Variants in C1QTNF7 observed in about 807,000 individuals in gnomAD.
C1QTNF7 encodes the protein C1q and TNF related 7.
C1QTNF7 carries 15 observed loss-of-function variants against 19.6 expected under a neutral mutation model. The observed-to-expected ratio is 0.76, with a 90% confidence interval of 0.51 to 1.18. The LOEUF is 1.18. C1QTNF7 is among the 50% of genes most tolerant of loss of function. The pLI is 0.00. For missense variants in C1QTNF7, 324 were observed against 359.7 expected (o/e 0.90, Z 0.80); for synonymous variants, 142 against 137.5 (o/e 1.03, Z -0.23).
chr4:15,376,657 G>T (rs1234841577), intron 1 of C1QTNF7, among the ~76,000 whole-genome samples: 2 of 152,214 alleles, frequency 1.3e-5, no homozygotes, highest in African/African-American at 2.4e-5. Flanking sequence ...GGCTGGCAGG[G>T]CTGGGATTTG....
At chr4:15,346,854 G>C (rs955876752) in intron 1 of C1QTNF7, among the ~76,000 whole-genome samples, 1 of 152,068 alleles carries the variant, frequency 6.6e-6, no homozygotes, top group African/African-American at 2.4e-5. Context: ...GTCCATCTCT[G>C]TTCCTACCAC....
chr4:15,374,794 T>C lies in C1QTNF7; in HGVS notation c.13+34587T>C, dbSNP rs1717868292. On this transcript the variant is annotated intron_variant, in intron 1 of 2. Coordinates refer to the C1QTNF7 transcript ENST00000295297. ...TGTAAGTAAACAGCCCTCTCTCCAT[T>C]GATAAACGTCTTCAGGCTTTTTTTC... 3.2e-6 allele frequency: 3 copies of C among 924,782 alleles called. No individual in the cohort carries two copies. The South Asian group carries it at 1.5e-4, about 47-fold the overall frequency. The allele number at this position is 924,782 out of a possible 1,614,324, so 57.3% of individuals were successfully genotyped here. A position where few individuals can be genotyped will look rare whatever the true frequency, so the allele number is the denominator to read the frequency against.
At chr4:15,366,501 T>C (rs1044457153) in intron 1 of C1QTNF7, among the ~76,000 whole-genome samples, 4 of 152,206 alleles carry the variant, frequency 2.6e-5, no homozygotes, top group African/African-American at 9.6e-5. Context: ...AGTTACAGCA[T>C]CTAACCCTTT....
At chr4:15,436,123 C>T in intron 2 of C1QTNF7, 142 bp downstream of exon 2, 1 of 1,220,276 alleles carries the variant, frequency 8.2e-7, no homozygotes, top group African/African-American at 1.5e-5. Flanking sequence ...TGAGCCCTTA[C>T]TAGGCTTCAG....
At chr4:15,440,802 A>G (rs1423764167) in intron 2 of C1QTNF7, among the ~76,000 whole-genome samples, 1 of 152,038 alleles carries the variant, frequency 6.6e-6, no homozygotes, top group Admixed American at 6.6e-5. Context: ...TGGTTATTGT[A>G]GCATGTTGAG....
chr4:15,361,412 G>T (rs1351025249), intron 1 of C1QTNF7: 2 of 152,080 alleles, frequency 1.3e-5, no homozygotes, highest in Non-Finnish European at 1.5e-5. Context: ...ATCTGTCAAG[G>T]TGATATTTTT....
At chr4:15,424,901 T>C (rs1711966880), upstream of C1QTNF7, among the ~76,000 whole-genome samples, 1 of 152,168 alleles carries the variant, frequency 6.6e-6, no homozygotes, top group Non-Finnish European at 1.5e-5. Context: ...CCAATTCATA[T>C]CCTGTTAAGC....
rs75247137 is a variant in C1QTNF7, at chr4:15,379,737, T to C, written c.13+39530T>C. Among the ~76,000 whole-genome samples the C allele has an allele frequency of 4.4e-4, 67 of 152,374 alleles. 2 individuals are homozygous for C. The East Asian group carries it at 9.4e-3, about 21-fold the overall frequency. On this transcript the variant is annotated intron_variant, in intron 1 of 2. Coordinates refer to the C1QTNF7 transcript ENST00000295297. ...CCTTAGGGAAGAGGCTGTGGAATTG[T>C]CTTCTTTGGAGGTCTATTAAAACCA...
At chr4:15,436,442 C>T (rs1290001657) in intron 2 of C1QTNF7, among the ~76,000 whole-genome samples, 1 of 152,208 alleles carries the variant, frequency 6.6e-6, no homozygotes, top group Non-Finnish European at 1.5e-5. Context: ...AACCAGGAGC[C>T]AGATGCATAG....
At chr4:15,437,305 CTCTTAGAGGCT>C (rs1258276637) in intron 2 of C1QTNF7, among the ~76,000 whole-genome samples, 4 of 151,672 alleles carry the variant, frequency 2.6e-5, no homozygotes, top group African/African-American at 9.7e-5. Context: ...GCCACATATG[CTCTTAGAGGCT>C]CAGTTTCCTT....
At chr4:15,430,220 G>A (rs1712243287) in intron 1 of C1QTNF7, among the ~76,000 whole-genome samples, 1 of 152,098 alleles carries the variant, frequency 6.6e-6, no homozygotes, top group Non-Finnish European at 1.5e-5. Flanking sequence ...CTGTTACTTT[G>A]TAATCCCTAC....
At position 15,348,169 on chromosome 4, in the gene C1QTNF7, T is replaced by C. The variant is rs889474878; in HGVS notation, c.13+7962T>C. On this transcript the variant is annotated intron_variant, in intron 1 of 2. Coordinates refer to the C1QTNF7 transcript ENST00000295297. ...GATTTCCTCTCCCTGGACAAATTGA[T>C]ATCCAGTGGGGGATTAAAAAGAAAA... 1.1e-4 allele frequency among the ~76,000 whole-genome samples: 16 copies of C among 152,172 alleles called. 1 individual carries two copies. Among genetic ancestry groups the C allele is most frequent in the Non-Finnish European group, 1.5e-5 (1 of 68,024 alleles).
chr4:15,354,313 C>G (rs1298164553), intron 1 of C1QTNF7, among the ~76,000 whole-genome samples: 2 of 152,136 alleles, frequency 1.3e-5, no homozygotes, highest in African/African-American at 4.8e-5. Flanking sequence ...TAAGAGAATA[C>G]AGGAGAAATA....
At chr4:15,400,471 T>G (rs554770767) in intron 1 of C1QTNF7, among the ~76,000 whole-genome samples, 2 of 152,330 alleles carry the variant, frequency 1.3e-5, no homozygotes, top group Admixed American at 1.3e-4. Context: ...ATTGTTTTGT[T>G]TTCTGGTGAA....
intron 1 of C1QTNF7, among the ~76,000 whole-genome samples, chr4:15,360,416 C>T (rs537281563): frequency 2.2e-4 from 33 of 152,244 alleles, no homozygotes; most frequent in African/African-American, 7.9e-4. Context: ...CGTTTAAGAA[C>T]ATCTTCTTTT....
intron 2 of C1QTNF7, among the ~76,000 whole-genome samples, chr4:15,437,562 G>T (rs929337680): frequency 2.2e-4 from 34 of 152,222 alleles, no homozygotes; most frequent in Non-Finnish European, 2.5e-4. Flanking sequence ...CATATATGTG[G>T]ATATGCATTC....
At chr4:15,436,892 C>T (rs1333509387) in intron 2 of C1QTNF7, among the ~76,000 whole-genome samples, 1 of 152,148 alleles carries the variant, frequency 6.6e-6, no homozygotes, top group African/African-American at 2.4e-5. Flanking sequence ...TTCTGTAAAA[C>T]AAAATCATAA....
Position 15,435,809 on chromosome 4 carries a change from G to C in C1QTNF7, c.66G>C (p.Gln22His), listed in dbSNP as rs756889623. The change falls in exon 2 of 3, where the codon CAG (glutamine) becomes CAC (histidine). Residue 22 changes from glutamine (Q) to histidine (H), a missense_variant. Coordinates refer to ENST00000444304, the MANE Select transcript of C1QTNF7 (RefSeq NM_031911.5). ...ICASGQPRGNQLKGENYSPRY... is the reference protein window; with the variant it reads ...ICASGQPRGNHLKGENYSPRY... Reference sequence around the variant, plus strand: ...CCAGTGGACAACCCCGGGGTAATCAGTTGAAAGGAGAGAACTACTCCCCCA... The same window carrying C: ...CCAGTGGACAACCCCGGGGTAATCACTTGAAAGGAGAGAACTACTCCCCCA... 1 of 1,614,112 alleles carries C rather than the reference G, an allele frequency of 6.2e-7. No individual in the cohort carries two copies. Among genetic ancestry groups the C allele is most frequent in the South Asian group, 1.1e-5 (1 of 91,084 alleles).
rs1302251823 is a variant in C1QTNF7 at position 15,360,561 on chromosome 4, G to A, written c.13+20354G>A. ...AGCTTTCTTGCACTTAGAAACACTAGTCAGCATTTCTATGCTTGGAGGACA... is the reference window on the plus strand; with the variant it reads ...AGCTTTCTTGCACTTAGAAACACTAATCAGCATTTCTATGCTTGGAGGACA... On this transcript the variant is annotated intron_variant, in intron 1 of 2. Transcript: ENST00000295297. 2.0e-5 allele frequency among the ~76,000 whole-genome samples: 3 copies of A among 152,200 alleles called. No individual in the cohort carries two copies. The East Asian group carries it at 5.8e-4, about 29-fold the overall frequency.
Sources: gnomAD v4.1 joint callset for allele counts (sites outside exome capture counted in the v4.1 genomes callset) on GRCh38, gnomAD v4.1.1 for gene constraint, MANE v1.5 for transcripts, NCBI Gene and HGNC (gene_info 2026-07-23, HGNC 2026-07-21) for gene names.